Variants in ZNF804B observed in about 807,000 individuals in gnomAD.
ZNF804B encodes zinc finger 804B.
In ZNF804B, 80 loss-of-function variants were observed where a neutral mutation model predicts 101.4. The observed-to-expected ratio is 0.79, with a 90% CI of 0.66 to 0.95. ZNF804B has a LOEUF of 0.95. Ranked by LOEUF, ZNF804B falls within the 40% of genes least tolerant of loss-of-function variation. The pLI, the probability that ZNF804B is intolerant of heterozygous loss-of-function variation, is 0.00. For synonymous variants in ZNF804B, 622 were observed against 558.8 expected (o/e 1.11, Z -1.59); for missense variants, 1,673 against 1,561.9 (o/e 1.07, Z -1.20).
chr7:88,798,519 G>T lies in ZNF804B; in HGVS notation c.108+38435G>T, dbSNP rs554370814. 1.2e-3 allele frequency among the ~76,000 whole-genome samples: 188 copies of T among 152,084 alleles called. No individual in the cohort carries two copies. In the Middle Eastern group the frequency reaches 0.02, roughly 17 times the overall value. ...GCAATAGTTTTTAATCTCCATGGAT[G>T]GTTTGACATCTTTATTCCATTTTCC... On this transcript the variant is annotated intron_variant, in intron 1 of 3. Transcript: ENST00000333190.
At chr7:89,305,351 C>A (rs1056178134) in intron 2 of ZNF804B, among the ~76,000 whole-genome samples, 2 of 151,832 alleles carry the variant, frequency 1.3e-5, no homozygotes, top group African/African-American at 4.8e-5. Context: ...TTTATTATAA[C>A]CATGACAAGA....
intron 1 of ZNF804B, among the ~76,000 whole-genome samples, chr7:89,041,897 T>C (rs1469954776): frequency 6.6e-6 from 1 of 152,204 alleles, no homozygotes; most frequent in Admixed American, 6.5e-5. Flanking sequence ...AATTAATGTT[T>C]CTGTAAGGGA....
intron 1 of ZNF804B, among the ~76,000 whole-genome samples, chr7:88,885,463 C>A (rs538618241): frequency 6.6e-6 from 1 of 151,470 alleles, no homozygotes; most frequent in African/African-American, 2.4e-5. Flanking sequence ...AAGAAGAGGA[C>A]CATATCAGAT....
intron 3 of ZNF804B, among the ~76,000 whole-genome samples, chr7:89,328,243 C>T (rs1790926695): frequency 6.6e-6 from 1 of 151,674 alleles, no homozygotes; most frequent in African/African-American, 2.4e-5. Context: ...GTGAGTGGCT[C>T]AATTAGTTAC....
At chr7:88,915,569 CAG>C (rs1318874735) in intron 1 of ZNF804B, among the ~76,000 whole-genome samples, 3 of 151,864 alleles carry the variant, frequency 2.0e-5, no homozygotes, top group Non-Finnish European at 4.4e-5. Flanking sequence ...TTTTCAAAAA[CAG>C]AGTTTTTGCT....
intron 1 of ZNF804B, among the ~76,000 whole-genome samples, chr7:89,117,853 G>A (rs1295722413): frequency 1.3e-5 from 2 of 151,952 alleles, no homozygotes; most frequent in African/African-American, 4.8e-5. Flanking sequence ...TTCCAGAAAA[G>A]TTTTTACATT....
intron 1 of ZNF804B, among the ~76,000 whole-genome samples, chr7:88,936,146 A>G (rs1350663374): frequency 1.3e-5 from 2 of 150,626 alleles, no homozygotes; most frequent in East Asian, 2.0e-4. Flanking sequence ...GTCCTAGAAT[A>G]CTATTGCTGA....
chr7:89,015,584 G>A (rs1383713146), intron 1 of ZNF804B, among the ~76,000 whole-genome samples: 1 of 151,748 alleles, frequency 6.6e-6, no homozygotes, highest in Admixed American at 6.6e-5. Flanking sequence ...AGAACATGCA[G>A]TGTTTGGTTT....
At chr7:89,329,118 T>C (rs1247106144) in intron 3 of ZNF804B, among the ~76,000 whole-genome samples, 1 of 151,796 alleles carries the variant, frequency 6.6e-6, no homozygotes, top group East Asian at 1.9e-4. Flanking sequence ...TCTGGAAGCC[T>C]TATTCACTAA....
At chr7:88,936,620 A>G (rs544430688) in intron 1 of ZNF804B, among the ~76,000 whole-genome samples, 195 of 152,194 alleles carry the variant, frequency 1.3e-3, no homozygotes, top group African/African-American at 4.4e-3. Flanking sequence ...GAAAGAGACA[A>G]TGTCTTGTGA....
At chr7:88,921,587 A>G (rs1792719904) in intron 1 of ZNF804B, among the ~76,000 whole-genome samples, 1 of 152,100 alleles carries the variant, frequency 6.6e-6, no homozygotes, top group South Asian at 2.1e-4. Flanking sequence ...ATCCTAAACC[A>G]TGGACCACCT....
intron 2 of ZNF804B, among the ~76,000 whole-genome samples, chr7:89,290,190 G>A (rs1203067550): frequency 1.3e-5 from 2 of 152,102 alleles, no homozygotes; most frequent in Non-Finnish European, 2.9e-5. Context: ...AGAGCACATG[G>A]GCACGGAATA....
chr7:88,811,053 T>A (rs1460611087), intron 1 of ZNF804B, among the ~76,000 whole-genome samples: 4 of 151,004 alleles, frequency 2.6e-5, no homozygotes, highest in Admixed American at 6.6e-5. Flanking sequence ...CATCTCAGAA[T>A]TAAAAAAAAA....
intron 2 of ZNF804B, among the ~76,000 whole-genome samples, chr7:89,248,877 C>T (rs1184565133): frequency 6.6e-6 from 1 of 152,030 alleles, no homozygotes; most frequent in African/African-American, 2.4e-5. Context: ...ATCCATGTAT[C>T]TGCTCTCTTC....
At chr7:89,135,403 ACTC>A (rs1298384233) in intron 1 of ZNF804B, among the ~76,000 whole-genome samples, 2 of 151,680 alleles carry the variant, frequency 1.3e-5, no homozygotes, top group African/African-American at 4.8e-5. Context: ...CTGCTCCATG[ACTC>A]CTCCTTCACA....
intron 1 of ZNF804B, among the ~76,000 whole-genome samples, chr7:89,176,349 T>G (rs1207376970): frequency 6.6e-6 from 1 of 152,152 alleles, no homozygotes; most frequent in Non-Finnish European, 1.5e-5. Flanking sequence ...TCAGTTGAAG[T>G]GATCATATGA....
chr7:89,079,875 C>A (rs1429062456), intron 1 of ZNF804B, among the ~76,000 whole-genome samples: 6 of 151,704 alleles, frequency 4.0e-5, no homozygotes, highest in Non-Finnish European at 8.8e-5. Flanking sequence ...AGCAAGAGGC[C>A]CATGTGGCCA....
At chr7:89,129,804 G>A (rs1455309035) in intron 1 of ZNF804B, among the ~76,000 whole-genome samples, 1 of 151,992 alleles carries the variant, frequency 6.6e-6, no homozygotes, top group Non-Finnish European at 1.5e-5. Flanking sequence ...CAGAGCACGT[G>A]CTCTTAGCTA....
At chr7:89,183,532 G>A (rs1788331220) in intron 1 of ZNF804B, among the ~76,000 whole-genome samples, 1 of 152,120 alleles carries the variant, frequency 6.6e-6, no homozygotes, top group South Asian at 2.1e-4. Flanking sequence ...TTCTCTCAGG[G>A]AGAAATGCTG....
Sources: gnomAD v4.1 joint callset for allele counts (sites outside exome capture counted in the v4.1 genomes callset) on GRCh38, gnomAD v4.1.1 for gene constraint, MANE v1.5 for transcripts, NCBI Gene and HGNC (gene_info 2026-07-23, HGNC 2026-07-21) for gene names.